Variants in LCORL observed in about 807,000 individuals in gnomAD.
LCORL encodes ligand dependent nuclear receptor corepressor like, also known as ligand-dependent nuclear receptor corepressor-like protein.
A neutral mutation model predicts 141.8 loss-of-function variants in LCORL; 41 were observed. That is an observed-to-expected ratio of 0.29 (90% CI 0.23 to 0.38). The LOEUF (loss-of-function observed/expected upper bound fraction) is 0.38. LCORL is among the 10% of genes least tolerant of loss of function. LCORL has a pLI of 1.00. For synonymous variants in LCORL, 618 were observed against 694.1 expected (o/e 0.89, Z 1.72); for missense variants, 1,759 against 2,035.0 (o/e 0.86, Z 2.61).
rs376460718 is a variant in LCORL at position 17,907,058 on chromosome 4, T to C, written c.682+2036A>G. Reference sequence around the variant, plus strand: ...GACAAGGCAATCAGGGAATCATTCCTTCCTTCCTTAGCAATTTCCTTAGAA... The same window carrying C: ...GACAAGGCAATCAGGGAATCATTCCCTCCTTCCTTAGCAATTTCCTTAGAA... On this transcript the variant is annotated intron_variant, in intron 5 of 7. Coordinates refer to ENST00000635767, the Ensembl canonical transcript of LCORL. 3.9e-5 allele frequency among the ~76,000 whole-genome samples: 6 copies of C among 152,338 alleles called. No homozygotes were observed. The East Asian group carries it at 1.2e-3, about 29-fold the overall frequency.
rs113219081 is a variant in LCORL at position 17,957,765 on chromosome 4, T to C, written c.430+4138A>G. 4.9e-3 allele frequency among the ~76,000 whole-genome samples: 742 copies of C among 152,092 alleles called. 3 individuals are homozygous for C. The highest frequency in any genetic ancestry group is 0.017 in the African/African-American group (702 of 41,550). On this transcript the variant is annotated intron_variant, in intron 4 of 7. Transcript: ENST00000635767. ...CATGAACACCTCTAAATGCAGCTCA[T>C]AATGGTATATCAGTTATTTTATGGC...
intron 6 of LCORL, chr4:17,883,306 A>T (rs535771223): frequency 2.0e-6 from 2 of 993,476 alleles, no homozygotes; most frequent in African/African-American, 3.5e-5. Context: ...ATGTTTATAA[A>T]CTATGAATAT....
exon 8 of LCORL, chr4:17,842,252 A>C: frequency 1.4e-6 from 2 of 1,476,436 alleles, no homozygotes; most frequent in Non-Finnish European, 1.9e-6. Context: ...TAGAAACTAG[A>C]TTAAAAACAA....
In LCORL at chr4:17,884,616, G is replaced by C; in HGVS notation, c.776+1452C>G. 1 of 1,547,028 alleles carries C rather than the reference G, an allele frequency of 6.5e-7. No individual in the cohort carries two copies. The highest frequency in any genetic ancestry group is 8.7e-7 in the Non-Finnish European group (1 of 1,145,348). ...TCTAAGTGAAGAAGTAAAGTTTTTT[G>C]AGGTATGCCATAAAGTATGCCTGCT... On this transcript the variant is annotated intron_variant, in intron 6 of 7. Transcript: ENST00000635767. This position sits in a 1 kb window ranked among gnomAD's most constrained non-coding sequence, Gnocchi z 4.4.
chr4:18,021,686 A>AGCG lies in LCORL; in HGVS notation c.63_65dup (p.Ala22dup), dbSNP rs751821670. On this transcript the variant is annotated inframe_insertion, in exon 1 of 8. Transcript: ENST00000635767. This position sits in a 1 kb window ranked among gnomAD's most constrained non-coding sequence, Gnocchi z 5.5. The stretch of plus-strand genomic sequence containing the variant: ...CCGCGCACCGAGGGCTCCGGCACTG[A>AGCG]GCGGCGGCGGCGGCGGCGGCAGCAG... 2,607 of 1,533,494 alleles carry AGCG rather than the reference A, an allele frequency of 1.7e-3. 9 individuals are homozygous for AGCG. The highest frequency in any genetic ancestry group is 8.1e-3 in the South Asian group (674 of 82,726). 95.0% of individuals were successfully genotyped at this position (1,533,494 alleles called of 1,614,324 possible).
intron 4 of LCORL, among the ~76,000 whole-genome samples, chr4:17,920,183 C>T (rs971463113): frequency 6.6e-6 from 1 of 152,182 alleles, no homozygotes; most frequent in Non-Finnish European, 1.5e-5. Flanking sequence ...AGATGTAACA[C>T]TATCTCCAGG....
chr4:17,974,279 C>T (rs1449983079), intron 1 of LCORL, among the ~76,000 whole-genome samples: 3 of 152,040 alleles, frequency 2.0e-5, no homozygotes, highest in Non-Finnish European at 2.9e-5. Flanking sequence ...ATCTCTCTTC[C>T]GCATTTTATG....
chr4:17,932,071 C>T (rs908257303), intron 4 of LCORL, among the ~76,000 whole-genome samples: 3 of 152,144 alleles, frequency 2.0e-5, no homozygotes, highest in Admixed American at 2.0e-4. Flanking sequence ...CCCTGGGTAA[C>T]ATTAGAATTA....
chr4:17,978,837 G>A (rs188742606), intron 1 of LCORL, among the ~76,000 whole-genome samples: 6 of 152,234 alleles, frequency 3.9e-5, no homozygotes, highest in East Asian at 1.9e-4. Context: ...AGCTCTCTCC[G>A]TTCTGGTACA....
intron 7 of LCORL, among the ~76,000 whole-genome samples, chr4:17,846,784 A>G (rs1722988163): frequency 6.6e-6 from 1 of 152,192 alleles, no homozygotes; most frequent in Non-Finnish European, 1.5e-5. Flanking sequence ...CACTCTGCTT[A>G]ACCAAACCTT....
chr4:17,994,894 A>C (rs1260887822), intron 1 of LCORL, among the ~76,000 whole-genome samples: 1 of 152,152 alleles, frequency 6.6e-6, no homozygotes, highest in Admixed American at 6.5e-5. Flanking sequence ...ATGCTAGCCC[A>C]ATGCCTGGTC....
Position 17,884,271 on chromosome 4 carries a change from T to C in LCORL, c.776+1797A>G. ...TCAGGTTGTGATTTTGAGACAGAAC[T>C]TACTCGTAGCTGAGGAATTTTTAAC... On this transcript the variant is annotated intron_variant, in intron 6 of 7. Transcript: ENST00000635767. This position sits in a 1 kb window ranked among gnomAD's most constrained non-coding sequence, Gnocchi z 4.4. 2 of 1,550,672 alleles carry C rather than the reference T, an allele frequency of 1.3e-6. No homozygotes were observed. Among genetic ancestry groups the C allele is most frequent in the Non-Finnish European group, 8.7e-7 (1 of 1,146,362 alleles).
chr4:17,858,605 G>A (rs973465802), intron 7 of LCORL, among the ~76,000 whole-genome samples: 3 of 151,638 alleles, frequency 2.0e-5, no homozygotes, highest in Admixed American at 6.6e-5. Context: ...GGGCATGCCT[G>A]TAATCCCAGC....
At chr4:17,891,120 T>C (rs370948527) in intron 5 of LCORL, among the ~76,000 whole-genome samples, 4 of 152,182 alleles carry the variant, frequency 2.6e-5, no homozygotes, top group Non-Finnish European at 5.9e-5. Context: ...TATTTTTCTA[T>C]AGTGTACTTA....
At chr4:17,910,828 G>C (rs959696830) in intron 4 of LCORL, among the ~76,000 whole-genome samples, 7 of 152,110 alleles carry the variant, frequency 4.6e-5, no homozygotes, top group African/African-American at 1.7e-4. Context: ...ACAAAACATT[G>C]TATTACCTGT....
chr4:17,972,108 A>G (rs1716073066), intron 2 of LCORL, among the ~76,000 whole-genome samples: 1 of 151,880 alleles, frequency 6.6e-6, no homozygotes, highest in African/African-American at 2.4e-5. Flanking sequence ...TGAAGAGACA[A>G]GTTTATAGGT....
rs531877584 is a variant in LCORL at position 17,924,529 on chromosome 4, C to T, written c.431-15184G>A. 1.0e-3 allele frequency among the ~76,000 whole-genome samples: 157 copies of T among 152,308 alleles called. 3 individuals carry two copies. The South Asian group carries it at 0.032, about 31-fold the overall frequency. ...TGGTGGAAGGTTGATTATACTGGAC[C>T]TCTTCCATCATGGAAAGGGCAACAG... is the stretch of plus-strand genomic sequence containing the variant. On this transcript the variant is annotated intron_variant, in intron 4 of 7. Transcript: ENST00000635767.
At chr4:17,991,804 G>GA (rs1173037983) in intron 1 of LCORL, among the ~76,000 whole-genome samples, 1 of 151,882 alleles carries the variant, frequency 6.6e-6, no homozygotes, top group Non-Finnish European at 1.5e-5. Flanking sequence ...CCTTAAAAAA[G>GA]AAAAAAATCA....
At chr4:17,888,000 A>C (rs1728529893) in intron 5 of LCORL, among the ~76,000 whole-genome samples, 1 of 152,094 alleles carries the variant, frequency 6.6e-6, no homozygotes, top group African/African-American at 2.4e-5. Flanking sequence ...TGATCATCAT[A>C]ATAGGTTACT....
Sources: allele counts gnomAD v4.1 joint callset (sites outside exome capture counted in the v4.1 genomes callset), GRCh38; gene constraint gnomAD v4.1.1; non-coding constraint Gnocchi (gnomAD v3.1); transcripts MANE v1.5; gene names NCBI Gene and HGNC (gene_info 2026-07-23, HGNC 2026-07-21).